Variants in CTNNA3 observed in about 807,000 individuals in gnomAD.
CTNNA3 encodes the protein catenin alpha 3, also known as catenin alpha-3.
CTNNA3 carries 76 observed loss-of-function variants against 95.7 expected under a neutral mutation model. The ratio of observed to expected loss-of-function variants is 0.79; its 90% CI spans 0.66 to 0.96. The LOEUF is 0.96. Ranked by LOEUF, CTNNA3 falls within the 40% of genes least tolerant of loss-of-function variation. The probability of loss-of-function intolerance (pLI) is 0.00; values close to 1 mark genes in which losing one functional copy is unlikely to be tolerated. For missense variants in CTNNA3, 1,191 were observed against 1,089.8 expected (o/e 1.09, Z -1.31); for synonymous variants, 431 against 374.4 (o/e 1.15, Z -1.74).
chr10:66,354,667 T>G (rs1427619534), intron 12 of CTNNA3, among the ~76,000 whole-genome samples: 1 of 152,044 alleles, frequency 6.6e-6, no homozygotes, highest in African/African-American at 2.4e-5. Flanking sequence ...TTTTTGGATT[T>G]AGGCTTTCAC....
intron 7 of CTNNA3, among the ~76,000 whole-genome samples, chr10:66,987,499 T>C (rs1198898835): frequency 6.6e-6 from 1 of 152,180 alleles, no homozygotes; most frequent in Admixed American, 6.5e-5. Flanking sequence ...CTTTGTTATT[T>C]GTTTGTTTAA....
chr10:67,482,254 A>C (rs1353001781), intron 5 of CTNNA3, among the ~76,000 whole-genome samples: 1 of 151,772 alleles, frequency 6.6e-6, no homozygotes, highest in African/African-American at 2.4e-5. Context: ...TTCCATATGA[A>C]CTTTAAAGTA....
intron 7 of CTNNA3, among the ~76,000 whole-genome samples, chr10:66,892,842 T>C (rs575646449): frequency 4.6e-5 from 7 of 152,244 alleles, no homozygotes; most frequent in Middle Eastern, 3.4e-3. Context: ...GTATATTCTA[T>C]AGACAAATGC....
chr10:66,963,598 T>C lies in CTNNA3; in HGVS notation c.1048-188074A>G, dbSNP rs558688309. Among the ~76,000 whole-genome samples, 4 of 152,266 alleles carry C rather than the reference T, an allele frequency of 2.6e-5. No homozygotes were observed. The South Asian group carries it at 8.3e-4, about 32-fold the overall frequency. ...TGGTAGTTTGGGTAGAGAGGTTTAC[T>C]GGGTTCACCCTAACCCTGACAGTTC... is the stretch of plus-strand genomic sequence containing the variant. On this transcript the variant is annotated intron_variant, in intron 7 of 17. Transcript: ENST00000433211.
rs2076996965 is a variant in CTNNA3, at chr10:65,915,580, A to G, written c.*4750T>C. ...TTCCCACAAACCAGTGGGGACTGCT[A>G]GATGCCATAATGCAGCCAGCAGCCA... On this transcript the variant is annotated 3_prime_UTR_variant, in exon 18 of 18. Coordinates refer to ENST00000433211, the MANE Select transcript of CTNNA3 (RefSeq NM_013266.4). The G allele has an allele frequency of 6.6e-6, 1 of 152,158 alleles. No homozygotes were observed. The highest frequency in any genetic ancestry group is 6.6e-5 in the Admixed American group (1 of 15,260). The allele number at this position is 152,158 out of a possible 1,614,324, so 9.4% of individuals were successfully genotyped here.
intron 7 of CTNNA3, among the ~76,000 whole-genome samples, chr10:66,859,530 G>A (rs1360727338): frequency 6.6e-6 from 1 of 151,776 alleles, no homozygotes; most frequent in Non-Finnish European, 1.5e-5. Context: ...GTGCTGGAGA[G>A]GATGTGGAGA....
intron 10 of CTNNA3, among the ~76,000 whole-genome samples, chr10:66,543,857 G>T (rs1235040452): frequency 7.1e-6 from 1 of 140,672 alleles, no homozygotes; most frequent in Non-Finnish European, 1.5e-5. Flanking sequence ...TATTAAAATT[G>T]CTAAATTTTG....
chr10:67,088,058 A>C (rs187413186), intron 7 of CTNNA3, among the ~76,000 whole-genome samples: 1 of 152,084 alleles, frequency 6.6e-6, no homozygotes, highest in East Asian at 1.9e-4. Context: ...TACCATGATA[A>C]TTTAAAGAGA....
intron 7 of CTNNA3, among the ~76,000 whole-genome samples, chr10:66,914,303 T>C (rs1403273172): frequency 6.6e-6 from 1 of 152,060 alleles, no homozygotes; most frequent in Non-Finnish European, 1.5e-5. Flanking sequence ...GAGAATTTTT[T>C]GTATTTTTAG....
At chr10:66,424,989 G>A (rs1441115503) in intron 11 of CTNNA3, among the ~76,000 whole-genome samples, 1 of 151,990 alleles carries the variant, frequency 6.6e-6, no homozygotes, top group African/African-American at 2.4e-5. Context: ...TCCATCATGA[G>A]TTTGAACTTA....
At chr10:67,455,896 G>A (rs1304825225) in intron 5 of CTNNA3, among the ~76,000 whole-genome samples, 2 of 152,162 alleles carry the variant, frequency 1.3e-5, no homozygotes, top group Non-Finnish European at 2.9e-5. Flanking sequence ...TGAATAAAAT[G>A]TAGAGTTTAG....
chr10:66,055,678 C>T (rs186781108), intron 15 of CTNNA3, among the ~76,000 whole-genome samples: 1 of 152,210 alleles, frequency 6.6e-6, no homozygotes, highest in African/African-American at 2.4e-5. Context: ...AATACCAGCA[C>T]TTCGGGAGGC....
At chr10:67,419,634 T>C (rs928679637) in intron 5 of CTNNA3, among the ~76,000 whole-genome samples, 3 of 152,194 alleles carry the variant, frequency 2.0e-5, no homozygotes, top group African/African-American at 7.2e-5. Flanking sequence ...CTCTGAAGGA[T>C]GTAAATGAAT....
intron 7 of CTNNA3, among the ~76,000 whole-genome samples, chr10:66,943,574 T>G (rs898461350): frequency 6.6e-6 from 1 of 151,670 alleles, no homozygotes; most frequent in African/African-American, 2.4e-5. Flanking sequence ...AGCACAGCCT[T>G]AAGAAACTCT....
intron 12 of CTNNA3, among the ~76,000 whole-genome samples, chr10:66,362,151 G>A (rs2092680976): frequency 7.0e-6 from 1 of 142,236 alleles, no homozygotes; most frequent in Admixed American, 7.4e-5. Flanking sequence ...TCACCAGGCT[G>A]GAGTGCAGTT....
chr10:67,606,758 A>C (rs1208412381), intron 3 of CTNNA3, 99 bp downstream of exon 3: 6 of 968,978 alleles, frequency 6.2e-6, no homozygotes, highest in Non-Finnish European at 7.7e-6. Flanking sequence ...AAGACTAAAA[A>C]ACTGGAGCCA....
intron 16 of CTNNA3, among the ~76,000 whole-genome samples, chr10:65,988,152 A>T (rs1009787981): frequency 4.6e-5 from 7 of 152,144 alleles, no homozygotes; most frequent in Non-Finnish European, 7.4e-5. Flanking sequence ...TTTATTGTGT[A>T]TTTAAAAATA....
chr10:66,060,494 T>C (rs2080172335), intron 15 of CTNNA3, among the ~76,000 whole-genome samples: 1 of 152,010 alleles, frequency 6.6e-6, no homozygotes, highest in South Asian at 2.1e-4. Context: ...GAATGGAAGA[T>C]AAAATAACAG....
In CTNNA3 at chr10:67,470,642, AAC is replaced by A. The variant is rs10695283; in HGVS notation, c.579+51198_579+51199del. Among the ~76,000 whole-genome samples, 680 of 148,118 alleles carry A rather than the reference AAC, an allele frequency of 4.6e-3. 1 individual carries two copies. The highest frequency in any genetic ancestry group is 5.9e-3 in the Non-Finnish European group (392 of 66,490). Reference sequence around the variant, plus strand: ...AATTTGTGTTATTTGGCAAGTTTGCAACACACACACACACACACACACACACC... The same window carrying A: ...AATTTGTGTTATTTGGCAAGTTTGCAACACACACACACACACACACACACC... On this transcript the variant is annotated intron_variant, in intron 5 of 17. Coordinates refer to ENST00000433211, the MANE Select transcript of CTNNA3 (RefSeq NM_013266.4).
Sources: allele counts gnomAD v4.1 joint callset (sites outside exome capture counted in the v4.1 genomes callset), GRCh38; gene constraint gnomAD v4.1.1; transcripts MANE v1.5; gene names NCBI Gene and HGNC (gene_info 2026-07-23, HGNC 2026-07-21).